The following MGRN1 variants were observed in gnomAD, a reference collection of about 807,000 sequenced individuals.
MGRN1 encodes mahogunin ring finger 1.
MGRN1 carries 29 observed loss-of-function variants against 69.2 expected under a neutral mutation model. The ratio of observed to expected loss-of-function variants is 0.42; its 90% confidence interval spans 0.31 to 0.57. MGRN1 has a LOEUF of 0.57. MGRN1 is among the 20% of genes least tolerant of loss of function. The pLI, the probability that MGRN1 is intolerant of heterozygous loss-of-function variation, is 0.15. For synonymous variants in MGRN1, 470 were observed against 344.2 expected (o/e 1.37, Z -4.04); for missense variants, 998 against 796.2 (o/e 1.25, Z -3.05).
intron 8 of MGRN1, among the ~76,000 whole-genome samples, chr16:4,669,774 G>C (rs933773172): frequency 9.9e-5 from 15 of 152,144 alleles, no homozygotes; most frequent in South Asian, 2.1e-4. Context: ...TTAAATAGTT[G>C]AGAATAAATG....
intron 3 of MGRN1, 50 bp from the exon 4 acceptor site, chr16:4,652,628 C>T (rs566576945): frequency 6.7e-5 from 105 of 1,564,804 alleles, no homozygotes; most frequent in Admixed American, 3.6e-4. Context: ...AGGCAGCCTC[C>T]GCAGATGGGG....
chr16:4,624,919 C>T lies in MGRN1; in HGVS notation c.-42C>T. 3.4e-6 allele frequency: 5 copies of T among 1,484,556 alleles called. No homozygotes were observed. The highest frequency in any genetic ancestry group is 1.5e-5 in the African/African-American group (1 of 68,782). 92.0% of individuals were successfully genotyped at this position (1,484,556 alleles called of 1,614,324 possible). On this transcript the variant is annotated 5_prime_UTR_variant, in exon 1 of 17. Coordinates refer to ENST00000262370, the MANE Select transcript of MGRN1 (RefSeq NM_015246.4). Reference sequence around the variant, plus strand: ...GAGGACCCCGCCGCTGTCGCCGCTCCCGTTCCGGCCCTGGCCCCTCTGCCC... The same window carrying T: ...GAGGACCCCGCCGCTGTCGCCGCTCTCGTTCCGGCCCTGGCCCCTCTGCCC...
chr16:4,653,086 C>A (rs1000930565), intron 4 of MGRN1, among the ~76,000 whole-genome samples: 1 of 152,198 alleles, frequency 6.6e-6, no homozygotes, highest in Non-Finnish European at 1.5e-5. Flanking sequence ...AGGGCCCAGT[C>A]CCACAAGACT....
intron 1 of MGRN1, among the ~76,000 whole-genome samples, chr16:4,644,762 C>G (rs188162773): frequency 2.6e-5 from 4 of 152,338 alleles, no homozygotes; most frequent in South Asian, 2.1e-4. Context: ...TCACAACTTA[C>G]GTCCTTCCAG....
intron 5 of MGRN1, among the ~76,000 whole-genome samples, chr16:4,658,682 C>A (rs554005244): frequency 1.3e-5 from 2 of 151,820 alleles, no homozygotes; most frequent in Non-Finnish European, 2.9e-5. Flanking sequence ...TAGCCACTCT[C>A]TGTAAAAAGC....
intron 10 of MGRN1, among the ~76,000 whole-genome samples, chr16:4,675,683 A>G (rs2079038399): frequency 6.6e-6 from 1 of 150,950 alleles, no homozygotes; most frequent in Non-Finnish European, 1.5e-5. Context: ...GTGAGCTGTG[A>G]TTGTGCCACC....
At chr16:4,674,733 C>T (rs1367768510) in intron 10 of MGRN1, among the ~76,000 whole-genome samples, 1 of 147,132 alleles carries the variant, frequency 6.8e-6, no homozygotes, top group East Asian at 2.0e-4. Context: ...CTCCGCTTCC[C>T]GGGTTCACGC....
intron 1 of MGRN1, among the ~76,000 whole-genome samples, chr16:4,630,548 A>G (rs1376131124): frequency 1.3e-5 from 2 of 151,472 alleles, no homozygotes; most frequent in Non-Finnish European, 2.9e-5. Flanking sequence ...CCCGGGTTCC[A>G]GCGATTCTTC....
chr16:4,665,818 GC>G (rs2078791225), intron 7 of MGRN1, among the ~76,000 whole-genome samples: 1 of 151,384 alleles, frequency 6.6e-6, no homozygotes, highest in African/African-American at 2.4e-5. Context: ...ACAGGCCCAT[GC>G]CACCATGCCT....
chr16:4,671,184 G>A (rs1016032652), intron 8 of MGRN1: 4 of 588,800 alleles, frequency 6.8e-6, no homozygotes, highest in South Asian at 4.1e-5. Context: ...GAGAGCCACC[G>A]GCTCCAGCCC....
At chr16:4,627,203 A>G (rs765506124) in intron 1 of MGRN1, among the ~76,000 whole-genome samples, 20 of 152,308 alleles carry the variant, frequency 1.3e-4, no homozygotes, top group African/African-American at 3.8e-4. Context: ...GGACCATTCA[A>G]TCACCCGATG....
intron 1 of MGRN1, among the ~76,000 whole-genome samples, chr16:4,627,808 C>T (rs1448005268): frequency 6.1e-5 from 9 of 146,998 alleles, no homozygotes; most frequent in East Asian, 2.0e-4. Context: ...AGGCTGGGCG[C>T]GGTGGTTCAC....
intron 1 of MGRN1, among the ~76,000 whole-genome samples, chr16:4,645,034 AATT>A (rs1254790576): frequency 2.0e-5 from 3 of 152,108 alleles, no homozygotes; most frequent in African/African-American, 4.8e-5. Context: ...TAAAGGAAAA[AATT>A]AATAATCACT....
At chr16:4,655,855 G>A (rs1471575874) in intron 4 of MGRN1, among the ~76,000 whole-genome samples, 1 of 152,258 alleles carries the variant, frequency 6.6e-6, no homozygotes, top group Non-Finnish European at 1.5e-5. Context: ...CAGACAGAGG[G>A]GTGTGTCCAG....
chr16:4,682,710 T>C (rs1278177760), intron 13 of MGRN1, 113 bp from the exon 14 acceptor site: 10 of 1,245,054 alleles, frequency 8.0e-6, no homozygotes, highest in Non-Finnish European at 1.1e-5. Flanking sequence ...TGTCCTTGCG[T>C]GGGTCCTGGC....
chr16:4,627,364 A>T (rs1897730196), intron 1 of MGRN1, among the ~76,000 whole-genome samples: 1 of 152,254 alleles, frequency 6.6e-6, no homozygotes, highest in African/African-American at 2.4e-5. Flanking sequence ...GCTCAGCTTG[A>T]ATTTAATATT....
intron 1 of MGRN1, among the ~76,000 whole-genome samples, chr16:4,643,521 GCCA>G (rs1429034079): frequency 6.6e-6 from 1 of 150,592 alleles, no homozygotes; most frequent in Non-Finnish European, 1.5e-5. Flanking sequence ...ACAGGCGCGT[GCCA>G]CCACACCTGG....
intron 9 of MGRN1, chr16:4,672,463 G>A: frequency 2.2e-6 from 1 of 456,778 alleles, no homozygotes; most frequent in Non-Finnish European, 4.4e-6. Flanking sequence ...AACTGGAGCA[G>A]CTCCACGTGG....
chr16:4,666,513 C>A (rs1308876325), intron 7 of MGRN1, among the ~76,000 whole-genome samples: 1 of 152,178 alleles, frequency 6.6e-6, no homozygotes, highest in Admixed American at 6.5e-5. Context: ...TTCTGTAGAG[C>A]CTGCTGCCAT....
Sources: gnomAD v4.1 joint callset for allele counts (sites outside exome capture counted in the v4.1 genomes callset) on GRCh38, gnomAD v4.1.1 for gene constraint, MANE v1.5 for transcripts, NCBI Gene and HGNC (gene_info 2026-07-23, HGNC 2026-07-21) for gene names.